Variants in PXN observed in about 807,000 individuals in gnomAD.
The protein encoded by PXN is testicular tissue protein Li 134.
A neutral mutation model predicts 103.6 loss-of-function variants in PXN; 61 were observed. The ratio of observed to expected loss-of-function variants is 0.59; its 90% CI spans 0.48 to 0.73. The LOEUF (loss-of-function observed/expected upper bound fraction) is 0.73, where lower values mean the gene tolerates loss of function less well. Ranked by LOEUF, PXN falls within the 30% of genes least tolerant of loss-of-function variation. The pLI, the probability that PXN is intolerant of heterozygous loss-of-function variation, is 0.00. For synonymous variants in PXN, 562 were observed against 607.8 expected, an observed-to-expected ratio of 0.92 and a Z score of 1.11; for missense variants, 1,274 against 1,460.3, an observed-to-expected ratio of 0.87 and a Z score of 2.08.
intron 1 of PXN, among the ~76,000 whole-genome samples, chr12:120,247,944 T>G (rs1634814): frequency 3.3e-5 from 5 of 151,976 alleles, no homozygotes; most frequent in Non-Finnish European, 7.4e-5. Flanking sequence ...GATGAGTCAA[T>G]TCATCATGAA....
chr12:120,214,474 A>G lies in PXN; in HGVS notation c.2749-257T>C, dbSNP rs1357047594. ...GCACAAGTTCTATGACTCCCATTTT[A>G]TAAGTGAAGAAACATAGGCTCAGAG... is the stretch of plus-strand genomic sequence containing the variant. On this transcript the variant is annotated intron_variant, in intron 12 of 14. Transcript: ENST00000637617. The surrounding 1 kb of genome is among the most constrained non-coding windows in gnomAD (Gnocchi z 5.0). Among the ~76,000 whole-genome samples, 1 of 152,238 alleles carries G rather than the reference A, an allele frequency of 6.6e-6. No homozygotes were observed. The highest frequency in any genetic ancestry group is 1.5e-5 in the Non-Finnish European group (1 of 68,040).
Position 120,216,902 on chromosome 12 carries a change from T to C in PXN, c.1931A>G (p.Glu644Gly), listed in dbSNP as rs141199601. ...TGGCTGCACAGTGATGATGACGCCC[T>C]CGGTCAGCCAGTCCTGGGCAGAGGG... ...AGPSAQDWLT[E>G]GVIITVQPRG... Residue 644 changes from glutamate to glycine, a missense_variant, in exon 8 of 15, where the codon GAG (glutamate) becomes GGG (glycine). Around this residue, in one of 2 missense-constraint regions of PXN, gnomAD observed 1,178 missense variants for 1,309.0 expected, o/e 0.90. Coordinates refer to ENST00000637617, the MANE Select transcript of PXN (RefSeq NM_001385981.1). This position sits in a 1 kb window ranked among gnomAD's most constrained non-coding sequence, Gnocchi z 5.1. 2,178 of 1,519,206 alleles carry C rather than the reference T, an allele frequency of 1.4e-3. 22 individuals are homozygous for C. The African/African-American group carries it at 0.027, about 19-fold the overall frequency. The allele number at this position is 1,519,206 out of a possible 1,614,324, so 94.1% of individuals were successfully genotyped here.
intron 1 of PXN, among the ~76,000 whole-genome samples, chr12:120,227,270 G>A (rs946069582): frequency 4.6e-5 from 7 of 152,326 alleles, no homozygotes; most frequent in Admixed American, 3.9e-4. Context: ...GGAGGCTGAG[G>A]TGGGAGGATC....
chr12:120,255,971 C>T (rs1892954045), intron 1 of PXN, among the ~76,000 whole-genome samples: 3 of 147,440 alleles, frequency 2.0e-5, no homozygotes, highest in South Asian at 2.2e-4. Context: ...GGGGGTGGGG[C>T]GGAGGCAGGA....
chr12:120,232,406 T>C (rs376968212), intron 1 of PXN, among the ~76,000 whole-genome samples: 4 of 152,188 alleles, frequency 2.6e-5, no homozygotes, highest in African/African-American at 9.7e-5. Context: ...CCCAGAACAT[T>C]GTGGACACAT....
chr12:120,244,696 G>A (rs979486843), intron 1 of PXN, among the ~76,000 whole-genome samples: 10 of 150,620 alleles, frequency 6.6e-5, no homozygotes, highest in African/African-American at 1.2e-4. Context: ...AGTGGCAGAC[G>A]CTTGTAATCC....
chr12:120,212,631 C>T lies in PXN; in HGVS notation c.2980-51G>A. 6.3e-7 allele frequency: 1 copy of T among 1,575,840 alleles called. No homozygotes were observed. The highest frequency in any genetic ancestry group is 8.6e-7 in the Non-Finnish European group (1 of 1,160,264). Reference sequence around the variant, plus strand: ...GGAGCTGCCCCTCGGGCTAGAGCTGCACCCTGTGTGATGGGGCCGAGGTGG... The same window carrying T: ...GGAGCTGCCCCTCGGGCTAGAGCTGTACCCTGTGTGATGGGGCCGAGGTGG... On this transcript the variant is annotated intron_variant, in intron 14 of 14. Transcript: ENST00000637617. This position sits in a 1 kb window ranked among gnomAD's most constrained non-coding sequence, Gnocchi z 7.2.
intron 1 of PXN, chr12:120,226,134 G>A (rs1566398633): frequency 1.1e-5 from 13 of 1,174,558 alleles, no homozygotes; most frequent in East Asian, 6.1e-5. Flanking sequence ...CAATCCCCAC[G>A]GCCTCTCCAG....
At chr12:120,243,527 A>G (rs544961752) in intron 1 of PXN, among the ~76,000 whole-genome samples, 2 of 152,276 alleles carry the variant, frequency 1.3e-5, no homozygotes, top group East Asian at 3.9e-4. Context: ...CTGTCTCTAC[A>G]AAAAATTTTT....
intron 1 of PXN, among the ~76,000 whole-genome samples, chr12:120,256,487 A>C (rs1182860): frequency 0.28 from 42,646 of 150,790 alleles, 8,946 homozygotes; most frequent in East Asian, 0.57. Context: ...AGATGGGGAC[A>C]TCGGGGCCAC....
At chr12:120,231,338 A>G (rs1566407637) in intron 1 of PXN, among the ~76,000 whole-genome samples, 1 of 152,218 alleles carries the variant, frequency 6.6e-6, no homozygotes, top group African/African-American at 2.4e-5. Context: ...CTGCTCTGCT[A>G]AGAGGATGGA....
chr12:120,217,101 T>G lies in PXN; in HGVS notation c.1732A>C (p.Arg578=). Residue 578 remains arginine, a synonymous_variant, in exon 8 of 15, where the codon AGG becomes CGG. Transcript: ENST00000637617. The surrounding 1 kb of genome is among the most constrained non-coding windows in gnomAD (Gnocchi z 4.1). ...GCGTGGCCAGACTCCCAGCTCCTCC[T>G]GATCACAGATCGGATCTAGGGGGAG... ...STSGQIRSVI[R]RSWESGHAHP... 1 of 1,589,148 alleles carries G rather than the reference T, an allele frequency of 6.3e-7. No homozygotes were observed.
intron 1 of PXN, among the ~76,000 whole-genome samples, chr12:120,239,268 G>A (rs996501972): frequency 6.6e-6 from 1 of 152,090 alleles, no homozygotes; most frequent in African/African-American, 2.4e-5. Context: ...CCAATGTGGT[G>A]AGACCCTGTC....
In PXN at chr12:120,215,730, C is replaced by T; in HGVS notation, c.2302-69G>A. ...ATTAAGAAAGAATACAAGACCTTGT[C>T]ACTGGACTAAAAGGGAATCTAGGAT... On this transcript the variant is annotated intron_variant, in intron 9 of 14. Transcript: ENST00000637617. The surrounding 1 kb of genome is among the most constrained non-coding windows in gnomAD (Gnocchi z 4.9). 6.8e-7 allele frequency: 1 copy of T among 1,470,726 alleles called. No individual in the cohort carries two copies. Among genetic ancestry groups the T allele is most frequent in the South Asian group, 1.3e-5 (1 of 76,590 alleles). 91.1% of individuals were successfully genotyped at this position (1,470,726 alleles called of 1,614,324 possible). A position where few individuals can be genotyped will look rare whatever the true frequency, so the allele number is the denominator to read the frequency against.
At chr12:120,223,240 G>C (rs1329896465) in intron 3 of PXN, among the ~76,000 whole-genome samples, 1 of 151,968 alleles carries the variant, frequency 6.6e-6, no homozygotes. Context: ...TCAGGAGATT[G>C]AGACCATCCT....
chr12:120,216,665 C>G lies in PXN; in HGVS notation c.1993-84G>C, dbSNP rs1012372892. ...GGTGGCGGGACCTCCCCAGGCTCCC[C>G]CTGGGCCTTCCCACTCTGCACCAAG... On this transcript the variant is annotated intron_variant, in intron 8 of 14. Coordinates refer to ENST00000637617, the MANE Select transcript of PXN (RefSeq NM_001385981.1). The surrounding 1 kb of genome is among the most constrained non-coding windows in gnomAD (Gnocchi z 5.1). 1.3e-6 allele frequency: 2 copies of G among 1,576,684 alleles called. No individual in the cohort carries two copies. Among genetic ancestry groups the G allele is most frequent in the African/African-American group, 2.7e-5 (2 of 73,164 alleles).
chr12:120,257,408 T>C (rs1376322086), intron 1 of PXN, among the ~76,000 whole-genome samples: 1 of 152,234 alleles, frequency 6.6e-6, no homozygotes, highest in Middle Eastern at 3.2e-3. Context: ...GAGCCCTCGC[T>C]AGAAGACCTC....
At chr12:120,247,041 T>TA (rs1891291505) in intron 1 of PXN, among the ~76,000 whole-genome samples, 2 of 147,428 alleles carry the variant, frequency 1.4e-5, no homozygotes, top group African/African-American at 5.3e-5. Flanking sequence ...AAAAAAATTT[T>TA]AAAAAAAAGA....
At chr12:120,233,850 T>G (rs765920320) in intron 1 of PXN, among the ~76,000 whole-genome samples, 8 of 152,166 alleles carry the variant, frequency 5.3e-5, no homozygotes, top group Non-Finnish European at 8.8e-5. Context: ...CCAGCGTGCC[T>G]TTCTTCACAA....
Sources: allele counts gnomAD v4.1 joint callset (sites outside exome capture counted in the v4.1 genomes callset), GRCh38; gene constraint gnomAD v4.1.1; regional missense constraint gnomAD v4.1.1; non-coding constraint Gnocchi (gnomAD v3.1); transcripts MANE v1.5; gene names NCBI Gene and HGNC (gene_info 2026-07-23, HGNC 2026-07-21).